The following SCN8A variants were observed in gnomAD, a reference collection of about 807,000 sequenced individuals.
SCN8A encodes sodium channel protein type 8 subunit alpha.
In SCN8A, 30 loss-of-function variants were observed where a neutral mutation model predicts 184.1. That is an observed-to-expected ratio of 0.16 (90% CI 0.12 to 0.22). The LOEUF (loss-of-function observed/expected upper bound fraction) is 0.22. Among genes scored for constraint, SCN8A ranks in the 10% least tolerant of loss-of-function variants. The pLI, the probability that SCN8A is intolerant of heterozygous loss-of-function variation, is 1.00. For synonymous variants in SCN8A, 852 were observed against 907.0 expected (o/e 0.94, Z 1.09); for missense variants, 1,057 against 2,498.9 (o/e 0.42, Z 12.30).
chr12:51,613,954 T>C (rs1008841534), intron 1 of SCN8A, among the ~76,000 whole-genome samples: 2 of 152,140 alleles, frequency 1.3e-5, no homozygotes, highest in Non-Finnish European at 2.9e-5. Flanking sequence ...TTAGGGTTTG[T>C]TTTATGACCA....
chr12:51,689,324 G>A (rs1417744952), intron 6 of SCN8A: 5 of 506,436 alleles, frequency 9.9e-6, no homozygotes, highest in Admixed American at 3.4e-5. Context: ...GAAAAAGCAC[G>A]TGCTTAAGAA....
chr12:51,788,895 G>A lies in SCN8A; in HGVS notation c.4281+147G>A. 5 of 626,370 alleles carry A rather than the reference G, an allele frequency of 8.0e-6. No homozygotes were observed. In the South Asian group the frequency reaches 9.9e-5, roughly 12 times the overall value. The allele number at this position is 626,370 out of a possible 1,614,324, so 38.8% of individuals were successfully genotyped here. A position where few individuals can be genotyped will look rare whatever the true frequency, so the allele number is the denominator to read the frequency against. On this transcript the variant is annotated intron_variant, in intron 23 of 26. Coordinates refer to ENST00000627620, the MANE Select transcript of SCN8A (RefSeq NM_001330260.2). Reference sequence around the variant, plus strand: ...TGGAACATTTATTGCTTGTGTTATTGATTATAGATCATTTTCCTCGTCTCA... The same window carrying A: ...TGGAACATTTATTGCTTGTGTTATTAATTATAGATCATTTTCCTCGTCTCA...
intron 12 of SCN8A, among the ~76,000 whole-genome samples, chr12:51,725,373 T>C (rs1427644456): frequency 6.6e-6 from 1 of 152,200 alleles, no homozygotes; most frequent in South Asian, 2.1e-4. Flanking sequence ...TAGTTAACAA[T>C]AGTTGCCTTT....
At chr12:51,645,925 C>T (rs9705431) in intron 1 of SCN8A, among the ~76,000 whole-genome samples, 9 of 129,378 alleles carry the variant, frequency 7.0e-5, no homozygotes, top group Non-Finnish European at 9.5e-5. Context: ...TCCCCCTCTG[C>T]GAGAAACACC....
At chr12:51,740,817 C>G (rs1237283565) in intron 12 of SCN8A, among the ~76,000 whole-genome samples, 1 of 152,150 alleles carries the variant, frequency 6.6e-6, no homozygotes, top group Non-Finnish European at 1.5e-5. Context: ...CAAGGTCTTG[C>G]TCTGTTATCC....
At chr12:51,649,142 T>A (rs1279149109) in intron 1 of SCN8A, among the ~76,000 whole-genome samples, 1 of 152,216 alleles carries the variant, frequency 6.6e-6, no homozygotes, top group Admixed American at 6.5e-5. Context: ...CTCCTTTGAC[T>A]CAAGGCCTCA....
At chr12:51,591,387 G>A (rs912384249) in intron 1 of SCN8A, 28 bp downstream of exon 1, 1 of 153,652 alleles carries the variant, frequency 6.5e-6, no homozygotes, top group Non-Finnish European at 1.5e-5. Context: ...CCCCGCCCTA[G>A]CGCTGCTTCC....
At chr12:51,608,227 GTCTCCA>G (rs1939641302) in intron 1 of SCN8A, among the ~76,000 whole-genome samples, 2 of 151,548 alleles carry the variant, frequency 1.3e-5, no homozygotes, top group Non-Finnish European at 2.9e-5. Flanking sequence ...TTTCACCATG[GTCTCCA>G]TCTCCTGACC....
intron 2 of SCN8A, among the ~76,000 whole-genome samples, chr12:51,665,655 C>T (rs1234141877): frequency 6.6e-6 from 1 of 152,124 alleles, no homozygotes; most frequent in Non-Finnish European, 1.5e-5. Context: ...GGAAAAAGTC[C>T]ACCTCCATTC....
intron 14 of SCN8A, among the ~76,000 whole-genome samples, chr12:51,761,071 C>G (rs1942755550): frequency 6.6e-6 from 1 of 152,118 alleles, no homozygotes. Context: ...AGTTTTAAAT[C>G]TATTGTAAAA....
chr12:51,725,815 C>G (rs375923553), intron 12 of SCN8A, among the ~76,000 whole-genome samples: 17 of 152,304 alleles, frequency 1.1e-4, no homozygotes, highest in Admixed American at 5.2e-4. Flanking sequence ...AAGCCCAAGA[C>G]AGATGAAAAT....
intron 2 of SCN8A, among the ~76,000 whole-genome samples, chr12:51,663,903 A>ATTTTTTTTTTTTTTTTTT: frequency 1.4e-5 from 1 of 69,804 alleles, no homozygotes; most frequent in Non-Finnish European, 2.7e-5. Context: ...CATTTGACAG[A>ATTTTTTTTTTTTTTTTTT]TTTTTTTTTT....
intron 11 of SCN8A, among the ~76,000 whole-genome samples, chr12:51,709,838 C>T (rs1202518299): frequency 6.6e-6 from 1 of 152,026 alleles, no homozygotes; most frequent in Non-Finnish European, 1.5e-5. Context: ...AAAAGGGACC[C>T]TTGTTCCCTG....
rs149323503 is a variant in SCN8A at position 51,620,920 on chromosome 12, G to A, written c.-55+29561G>A. Reference sequence around the variant, plus strand: ...GAGGATGGATTGAGCCCAGGAGGTTGAGGCTGTAGTGAGCCATGGTTACAC... The same window carrying A: ...GAGGATGGATTGAGCCCAGGAGGTTAAGGCTGTAGTGAGCCATGGTTACAC... On this transcript the variant is annotated intron_variant, in intron 1 of 26. Transcript: ENST00000627620. Among the ~76,000 whole-genome samples the A allele has an allele frequency of 8.6e-3, 1,303 of 152,248 alleles. 26 individuals carry two copies. The highest frequency in any genetic ancestry group is 0.029 in the African/African-American group (1,223 of 41,552).
chr12:51,602,408 C>G (rs1939487449), intron 1 of SCN8A, among the ~76,000 whole-genome samples: 1 of 152,082 alleles, frequency 6.6e-6, no homozygotes, highest in African/African-American at 2.4e-5. Flanking sequence ...TAGTCAAATT[C>G]ACAGACAGAA....
At chr12:51,760,648 T>C (rs1421196676) in intron 14 of SCN8A, among the ~76,000 whole-genome samples, 1 of 152,254 alleles carries the variant, frequency 6.6e-6, no homozygotes, top group Non-Finnish European at 1.5e-5. Context: ...GTGAAATGTA[T>C]GTCAGGATTT....
intron 1 of SCN8A, among the ~76,000 whole-genome samples, chr12:51,605,620 T>C (rs1939572805): frequency 6.6e-6 from 1 of 152,240 alleles, no homozygotes; most frequent in Admixed American, 6.5e-5. Flanking sequence ...AGTAGTGGGA[T>C]TGCTGGACCA....
intron 26 of SCN8A, among the ~76,000 whole-genome samples, chr12:51,795,338 G>C (rs140409111): frequency 6.6e-6 from 1 of 152,212 alleles, no homozygotes; most frequent in Admixed American, 6.5e-5. Context: ...TGGCAGGCAG[G>C]CAGAAGGAAA....
At chr12:51,715,386 C>T (rs1297596185) in intron 11 of SCN8A, among the ~76,000 whole-genome samples, 3 of 152,062 alleles carry the variant, frequency 2.0e-5, no homozygotes, top group Non-Finnish European at 2.9e-5. Flanking sequence ...TCCTGGCCTC[C>T]AAGTTTCAAG....
Sources: gnomAD v4.1 joint callset for allele counts (sites outside exome capture counted in the v4.1 genomes callset) on GRCh38, gnomAD v4.1.1 for gene constraint, MANE v1.5 for transcripts, NCBI Gene and HGNC (gene_info 2026-07-23, HGNC 2026-07-21) for gene names.